The following N4BP2L2 variants were observed in gnomAD, a reference collection of about 807,000 sequenced individuals.
N4BP2L2 encodes NEDD4 binding protein 2 like 2, also known as NEDD4-binding protein 2-like 2.
N4BP2L2 carries 50 observed loss-of-function variants against 56.2 expected under a neutral mutation model. The observed-to-expected ratio is 0.89, with a 90% CI of 0.71 to 1.13. N4BP2L2 has a LOEUF of 1.13. N4BP2L2 is among the 50% of genes most tolerant of loss of function. N4BP2L2 has a pLI of 0.00. For synonymous variants in N4BP2L2, 203 were observed against 223.6 expected (o/e 0.91, Z 0.82); for missense variants, 689 against 693.8 (o/e 0.99, Z 0.08).
At chr13:32,464,449 T>C (rs1001754107) in intron 6 of N4BP2L2, among the ~76,000 whole-genome samples, 1 of 152,140 alleles carries the variant, frequency 6.6e-6, no homozygotes, top group African/African-American at 2.4e-5. Context: ...AACAGACAAG[T>C]GAAGGCTCCT....
exon 6 of N4BP2L2, chr13:32,516,793 G>T: frequency 1.8e-6 from 1 of 550,918 alleles, no homozygotes; most frequent in Non-Finnish European, 2.3e-6. Flanking sequence ...AAGTAGTAGT[G>T]TTTTTTTCCT....
intron 3 of N4BP2L2, chr13:32,526,818 G>GTTTTTTTTTTTTTCTTTT (rs2053018212): frequency 4.1e-5 from 1 of 24,236 alleles, no homozygotes; most frequent in Non-Finnish European, 7.9e-5. Flanking sequence ...CTTTTTGTCT[G>GTTTTTTTTTTTTTCTTTT]TTTTTTTTTT....
intron 6 of N4BP2L2, among the ~76,000 whole-genome samples, chr13:32,447,764 G>A (rs2077264571): frequency 6.6e-6 from 1 of 152,122 alleles, no homozygotes; most frequent in South Asian, 2.1e-4. Context: ...AGCTGCTTCA[G>A]AAAAGGATAA....
chr13:32,538,521 T>C (rs2057209907), intron 1 of N4BP2L2, 97 bp downstream of exon 1: 1 of 710,628 alleles, frequency 1.4e-6, no homozygotes, highest in South Asian at 6.3e-5. Context: ...AGAGCTTACG[T>C]CTACGTTTAC....
At chr13:32,446,381 T>A (rs772954694) in intron 6 of N4BP2L2, 6 of 1,365,442 alleles carry the variant, frequency 4.4e-6, no homozygotes, top group Non-Finnish European at 5.9e-6. Flanking sequence ...AAAGTCCTAG[T>A]TGCAGTCCAA....
At chr13:32,493,135 G>A (rs113568034) in intron 6 of N4BP2L2, among the ~76,000 whole-genome samples, 8,699 of 151,756 alleles carry the variant, frequency 0.057, 844 homozygotes, top group African/African-American at 0.2. Context: ...ATGTTGGCCA[G>A]GCTGCTCTCG....
chr13:32,536,786 G>C, exon 2 of N4BP2L2: 2 of 1,614,076 alleles, frequency 1.2e-6, no homozygotes, highest in Non-Finnish European at 1.7e-6. Flanking sequence ...ATCATGCAAA[G>C]GTCTATGCAA....
At chr13:32,447,435 GATCAC>G (rs1411466127) in intron 6 of N4BP2L2, among the ~76,000 whole-genome samples, 12 of 152,194 alleles carry the variant, frequency 7.9e-5, no homozygotes, top group Admixed American at 6.5e-4. Flanking sequence ...AGTGAGAAGG[GATCAC>G]ATTCTGGATA....
chr13:32,515,476 G>T (rs535150384), exon 6 of N4BP2L2: 2 of 152,188 alleles, frequency 1.3e-5, no homozygotes, highest in South Asian at 2.1e-4. Context: ...TAGCTTTCCA[G>T]CCTCAGTAAG....
intron 8 of N4BP2L2, among the ~76,000 whole-genome samples, chr13:32,437,628 T>C (rs188843401): frequency 4.5e-4 from 68 of 152,332 alleles, no homozygotes; most frequent in African/African-American, 1.5e-3. Flanking sequence ...TAGTTACGTC[T>C]GTCACTGTGG....
Position 32,443,972 on chromosome 13 carries a change from A to T in N4BP2L2, c.520T>A (p.Ser174Thr), listed in dbSNP as rs889109961. The stretch of plus-strand genomic sequence containing the variant: ...TCAATGTCTTCCTCTTCACTCTGAG[A>T]TGGGTCCTGATCTCCCGGTGTAAGA... The change falls in exon 7 of 10, where the codon TCT (serine) becomes ACT (threonine). Residue 174 changes from serine to threonine, a missense_variant. Ser to Thr is a moderately conservative substitution (Grantham distance 58, BLOSUM62 1). Transcript: ENST00000357505. 5 of 1,606,358 alleles carry T rather than the reference A, an allele frequency of 3.1e-6. No individual in the cohort carries two copies. The African/African-American group carries it at 6.7e-5, about 21-fold the overall frequency.
chr13:32,522,296 TAAA>T, intron 3 of N4BP2L2, 26 bp from the exon 4 acceptor site: 3 of 1,383,150 alleles, frequency 2.2e-6, no homozygotes, highest in Non-Finnish European at 2.9e-6. Flanking sequence ...AATTTAAAAA[TAAA>T]AAAACAAATT....
chr13:32,464,137 T>C (rs1441872180), intron 6 of N4BP2L2, among the ~76,000 whole-genome samples: 1 of 152,236 alleles, frequency 6.6e-6, no homozygotes, highest in African/African-American at 2.4e-5. Context: ...ACAATATTTA[T>C]AAATCCATAC....
chr13:32,449,518 C>T (rs990199700), intron 6 of N4BP2L2, among the ~76,000 whole-genome samples: 9 of 152,076 alleles, frequency 5.9e-5, no homozygotes, highest in Admixed American at 1.3e-4. Context: ...TGAATAAATA[C>T]ATATAAAAAC....
At chr13:32,533,375 A>G (rs1340170648) in intron 2 of N4BP2L2, among the ~76,000 whole-genome samples, 5 of 152,130 alleles carry the variant, frequency 3.3e-5, no homozygotes, top group Non-Finnish European at 7.3e-5. Flanking sequence ...TTGAATACTT[A>G]CAATGTTAGA....
intron 6 of N4BP2L2, among the ~76,000 whole-genome samples, chr13:32,482,042 AT>A (rs2084865472): frequency 6.6e-6 from 1 of 152,210 alleles, no homozygotes; most frequent in African/African-American, 2.4e-5. Flanking sequence ...GCTTTCAACT[AT>A]GTAGCTGGCC....
exon 6 of N4BP2L2, chr13:32,513,844 A>G (rs2139828855): frequency 6.6e-6 from 1 of 152,334 alleles, no homozygotes; most frequent in South Asian, 2.1e-4. Context: ...AAAGACTAGC[A>G]AGCCTATCTG....
chr13:32,460,035 G>A lies in N4BP2L2; in HGVS notation c.366-15909C>T, dbSNP rs373929426. Among the ~76,000 whole-genome samples the A allele has an allele frequency of 3.3e-4, 50 of 152,112 alleles. No individual in the cohort carries two copies. The East Asian group carries it at 5.4e-3, about 16-fold the overall frequency. ...ATCAATAAACATGACACATCACATC[G>A]ACAGAATGAAGGACAAAACCATATG... On this transcript the variant is annotated intron_variant, in intron 6 of 9. Transcript: ENST00000357505.
At chr13:32,453,332 A>G (rs1055282938) in intron 6 of N4BP2L2, among the ~76,000 whole-genome samples, 1 of 152,220 alleles carries the variant, frequency 6.6e-6, no homozygotes, top group Non-Finnish European at 1.5e-5. Context: ...TCATCCCTTC[A>G]CAACAGAAGT....
Sources: allele counts gnomAD v4.1 joint callset (sites outside exome capture counted in the v4.1 genomes callset), GRCh38; gene constraint gnomAD v4.1.1; transcripts MANE v1.5; gene names NCBI Gene and HGNC (gene_info 2026-07-23, HGNC 2026-07-21).